The following UBP1 variants were observed in gnomAD, a reference collection of about 807,000 sequenced individuals.
UBP1 encodes upstream-binding protein 1.
UBP1 carries 22 observed loss-of-function variants against 76.1 expected under a neutral mutation model. The observed-to-expected ratio is 0.29, with a 90% CI of 0.21 to 0.41. UBP1 has a LOEUF of 0.41. Ranked by LOEUF, UBP1 falls within the 10% of genes least tolerant of loss-of-function variation. The probability of loss-of-function intolerance (pLI) is 1.00; values close to 1 mark genes in which losing one functional copy is unlikely to be tolerated. For synonymous variants in UBP1, 224 were observed against 237.1 expected (o/e 0.94, Z 0.51); for missense variants, 436 against 668.1 (o/e 0.65, Z 3.83).
At chr3:33,439,322 G>C (rs2045250090) in intron 1 of UBP1, among the ~76,000 whole-genome samples, 1 of 152,238 alleles carries the variant, frequency 6.6e-6, no homozygotes, top group South Asian at 2.1e-4. Flanking sequence ...GGACAACAAA[G>C]TAGGAACTGA....
In UBP1 at chr3:33,390,018, G is replaced by T; in HGVS notation, c.*313C>A. The T allele has an allele frequency of 3.0e-6, 1 of 331,032 alleles. No homozygotes were observed. The highest frequency in any genetic ancestry group is 5.5e-6 in the Non-Finnish European group (1 of 180,294). The allele number at this position is 331,032 out of a possible 1,614,324, so 20.5% of individuals were successfully genotyped here. ...TTCCAAACCGCATACAGTGTAAAAAGACAGCAAAGGCTGCTTCTAGGAACT... is the reference window on the plus strand; with the variant it reads ...TTCCAAACCGCATACAGTGTAAAAATACAGCAAAGGCTGCTTCTAGGAACT... On this transcript the variant is annotated 3_prime_UTR_variant, in exon 16 of 16. Transcript: ENST00000283629.
intron 1 of UBP1, among the ~76,000 whole-genome samples, chr3:33,428,138 T>C (rs1417982977): frequency 8.0e-6 from 1 of 125,658 alleles, no homozygotes; most frequent in South Asian, 2.4e-4. Flanking sequence ...GCTGAGATCG[T>C]GACACTGCAC....
chr3:33,404,123 T>C (rs1023569809), intron 8 of UBP1, among the ~76,000 whole-genome samples: 1 of 151,906 alleles, frequency 6.6e-6, no homozygotes, highest in African/African-American at 2.4e-5. Context: ...ATAAAATAAA[T>C]ATAATGAGGC....
chr3:33,400,649 T>C (rs573462799), intron 10 of UBP1, among the ~76,000 whole-genome samples: 8 of 151,768 alleles, frequency 5.3e-5, no homozygotes, highest in Admixed American at 3.3e-4. Flanking sequence ...AGTGGAAAAA[T>C]AGGTAACAGA....
intron 8 of UBP1, among the ~76,000 whole-genome samples, chr3:33,408,378 G>A (rs1283783872): frequency 1.3e-5 from 2 of 152,174 alleles, no homozygotes; most frequent in Non-Finnish European, 2.9e-5. Context: ...AGGTGTGTGT[G>A]TGAAGGAGAG....
At chr3:33,407,798 A>G (rs1008110600) in intron 8 of UBP1, among the ~76,000 whole-genome samples, 23 of 152,366 alleles carry the variant, frequency 1.5e-4, no homozygotes, top group Admixed American at 9.8e-4. Context: ...AGACTGCAAC[A>G]GTGAATACAG....
chr3:33,392,897 T>C (rs765757249), intron 14 of UBP1: 3 of 372,428 alleles, frequency 8.1e-6, no homozygotes, highest in Non-Finnish European at 1.4e-5. Context: ...CGAACAAAAA[T>C]TGCATAAAGT....
rs1445537099 is a variant in UBP1 at position 33,440,046 on chromosome 3, G to T, written c.-198C>A. ...GACGAGCCCAGCGAGCAATTGCAGCGGGAGCGGCCGGGCCGCCGGCAGCGC... is the reference window on the plus strand; with the variant it reads ...GACGAGCCCAGCGAGCAATTGCAGCTGGAGCGGCCGGGCCGCCGGCAGCGC... On this transcript the variant is annotated 5_prime_UTR_variant, in exon 1 of 16. Coordinates refer to ENST00000283629, the MANE Select transcript of UBP1 (RefSeq NM_014517.5). 2.0e-6 allele frequency: 1 copy of T among 497,902 alleles called. No individual in the cohort carries two copies. The highest frequency in any genetic ancestry group is 2.0e-5 in the African/African-American group (1 of 48,794). 30.8% of individuals were successfully genotyped at this position (497,902 alleles called of 1,614,324 possible).
At chr3:33,430,110 C>G (rs1253313106) in intron 1 of UBP1, among the ~76,000 whole-genome samples, 1 of 152,124 alleles carries the variant, frequency 6.6e-6, no homozygotes, top group African/African-American at 2.4e-5. Context: ...AAAAAGTTGT[C>G]AGAGAACACA....
intron 1 of UBP1, among the ~76,000 whole-genome samples, chr3:33,435,608 C>CAGTGTAG (rs1233464264): frequency 6.6e-6 from 1 of 152,168 alleles, no homozygotes; most frequent in Non-Finnish European, 1.5e-5. Flanking sequence ...CACTGTACTC[C>CAGTGTAG]AGTGTAGGTG....
intron 1 of UBP1, among the ~76,000 whole-genome samples, chr3:33,436,131 A>G (rs1383784880): frequency 6.6e-6 from 1 of 152,206 alleles, no homozygotes; most frequent in East Asian, 1.9e-4. Context: ...ATTTTTTTTA[A>G]CTTTTTAAAA....
At chr3:33,412,855 C>T in intron 3 of UBP1, 28 bp from the exon 4 acceptor site, 5 of 1,454,974 alleles carry the variant, frequency 3.4e-6, no homozygotes, top group Non-Finnish European at 4.8e-6. Context: ...AAAATGAGTA[C>T]TTTTAAACTG....
intron 2 of UBP1, among the ~76,000 whole-genome samples, chr3:33,420,399 C>T (rs911948043): frequency 2.0e-5 from 3 of 152,078 alleles, no homozygotes; most frequent in Admixed American, 2.0e-4. Flanking sequence ...AATCTGGGCT[C>T]ACTGCAACCT....
At chr3:33,426,451 T>C (rs979054841) in intron 1 of UBP1, among the ~76,000 whole-genome samples, 1 of 152,176 alleles carries the variant, frequency 6.6e-6, no homozygotes, top group African/African-American at 2.4e-5. Context: ...ATAATTTACA[T>C]ATCATAAAGT....
chr3:33,408,613 T>C lies in UBP1; in HGVS notation c.927+77A>G. ...ATCAAAAACAATTTTGGCTTTACTT[T>C]GCGGTGGAAGTTGGTCCTATATCTA... is the stretch of plus-strand genomic sequence containing the variant. On this transcript the variant is annotated intron_variant, in intron 8 of 15. Coordinates refer to ENST00000283629, the MANE Select transcript of UBP1 (RefSeq NM_014517.5). 5.8e-6 allele frequency: 7 copies of C among 1,214,638 alleles called. No homozygotes were observed. The South Asian group carries it at 9.7e-5, about 17-fold the overall frequency. The allele number at this position is 1,214,638 out of a possible 1,614,324, so 75.2% of individuals were successfully genotyped here.
At chr3:33,425,452 C>A in intron 2 of UBP1, 138 bp downstream of exon 2, 1 of 962,244 alleles carries the variant, frequency 1.0e-6, no homozygotes, top group Non-Finnish European at 1.4e-6. Context: ...AAAATTCCTA[C>A]AATTTTCATT....
In UBP1 at chr3:33,437,564, T is replaced by C. The variant is rs978903560; in HGVS notation, c.113+2172A>G. 4.6e-5 allele frequency among the ~76,000 whole-genome samples: 7 copies of C among 152,250 alleles called. 1 individual carries two copies. The highest frequency in any genetic ancestry group is 1.0e-4 in the Non-Finnish European group (7 of 68,050). Reference sequence around the variant, plus strand: ...AAAAAGCAAATACAGTAAGCATGTTTCATTTTGAAAGAAAAATAGAAAGCT... The same window carrying C: ...AAAAAGCAAATACAGTAAGCATGTTCCATTTTGAAAGAAAAATAGAAAGCT... On this transcript the variant is annotated intron_variant, in intron 1 of 15. Transcript: ENST00000283629.
chr3:33,435,275 G>A (rs1200686495), intron 1 of UBP1, among the ~76,000 whole-genome samples: 13 of 151,930 alleles, frequency 8.6e-5, no homozygotes, highest in Non-Finnish European at 1.2e-4. Context: ...AAGATTCTAA[G>A]GAAAAAAAAC....
intron 13 of UBP1, 108 bp downstream of exon 13, chr3:33,396,054 G>T: frequency 3.0e-6 from 3 of 991,950 alleles, no homozygotes; most frequent in Non-Finnish European, 4.3e-6. Context: ...TGAGCAACTT[G>T]GCATTCCTAA....
Sources: gnomAD v4.1 joint callset for allele counts (sites outside exome capture counted in the v4.1 genomes callset) on GRCh38, gnomAD v4.1.1 for gene constraint, MANE v1.5 for transcripts, NCBI Gene and HGNC (gene_info 2026-07-23, HGNC 2026-07-21) for gene names.